The following EXD3 variants were observed in gnomAD, a reference collection of about 807,000 sequenced individuals.
The protein encoded by EXD3 is exonuclease mut-7 homolog.
In EXD3, 92 loss-of-function variants were observed where a neutral mutation model predicts 98.0. The observed-to-expected ratio is 0.94, with a 90% CI of 0.79 to 1.12. EXD3 has a LOEUF of 1.12. Among genes scored for constraint, EXD3 ranks in the 50% most tolerant of loss-of-function variants. The pLI, the probability that EXD3 is intolerant of heterozygous loss-of-function variation, is 0.00. For missense variants in EXD3, 1,222 were observed against 1,191.6 expected (o/e 1.03, Z -0.38); for synonymous variants, 569 against 526.0 (o/e 1.08, Z -1.12).
intron 17 of EXD3, among the ~76,000 whole-genome samples, chr9:137,341,049 C>T (rs77733172): frequency 0.014 from 2,156 of 152,332 alleles, 22 homozygotes; most frequent in Non-Finnish European, 0.022. Flanking sequence ...GGCAGGGTGG[C>T]TCACACCTGT....
intron 19 of EXD3, among the ~76,000 whole-genome samples, chr9:137,316,005 A>C (rs1831630985): frequency 7.1e-6 from 1 of 140,474 alleles, no homozygotes; most frequent in Non-Finnish European, 1.6e-5. Context: ...GAGCCTCCCA[A>C]GGGAAGTCCC....
intron 17 of EXD3, among the ~76,000 whole-genome samples, chr9:137,345,570 G>A (rs1373634554): frequency 6.6e-6 from 1 of 150,696 alleles, no homozygotes; most frequent in Non-Finnish European, 1.5e-5. Flanking sequence ...GCTTAGACAG[G>A]AGAATCGCTT....
At position 137,307,325 on chromosome 9, in the gene EXD3, C is replaced by A. The variant is rs935876438; in HGVS notation, c.2318-62G>T. ...CTTCGGGCACGGCCCCCAGGCTGCT[C>A]CCAGAGTGGTGCAGTTGGCGGCCCA... On this transcript the variant is annotated intron_variant, in intron 21 of 21. Transcript: ENST00000340951. 3.5e-6 allele frequency: 5 copies of A among 1,440,536 alleles called. No individual in the cohort carries two copies. The East Asian group carries it at 1.2e-4, about 36-fold the overall frequency. The allele number at this position is 1,440,536 out of a possible 1,614,324, so 89.2% of individuals were successfully genotyped here.
intron 17 of EXD3, among the ~76,000 whole-genome samples, chr9:137,329,945 C>G (rs1335454855): frequency 3.8e-4 from 1 of 2,620 alleles, no homozygotes; most frequent in Non-Finnish European, 7.5e-4. Context: ...CAGGACTATG[C>G]AGGACCACAC....
At position 137,349,546 on chromosome 9, in the gene EXD3, C is replaced by A. The variant is rs754133010; in HGVS notation, c.1495-15G>T. 3 of 1,561,714 alleles carry A rather than the reference C, an allele frequency of 1.9e-6. No individual in the cohort carries two copies. The South Asian group carries it at 3.5e-5, about 18-fold the overall frequency. On this transcript the variant is annotated splice_polypyrimidine_tract_variant and intron_variant, in intron 14 of 21. Coordinates refer to ENST00000340951, the MANE Select transcript of EXD3 (RefSeq NM_017820.5). The surrounding 1 kb of genome is among the most constrained non-coding windows in gnomAD (Gnocchi z 7.4). ...GCCACCCGCATCTGCTAAGACAGTGCCCTGCAGGGTAACGCGTCTGGCCCT... is the reference window on the plus strand; with the variant it reads ...GCCACCCGCATCTGCTAAGACAGTGACCTGCAGGGTAACGCGTCTGGCCCT...
chr9:137,315,383 C>T (rs1333817015), intron 19 of EXD3, among the ~76,000 whole-genome samples: 2 of 152,234 alleles, frequency 1.3e-5, no homozygotes, highest in Non-Finnish European at 2.9e-5. Flanking sequence ...GCACCCCCAC[C>T]GCCACCGCCG....
chr9:137,389,758 A>T (rs1187640409), intron 2 of EXD3, among the ~76,000 whole-genome samples: 1 of 152,200 alleles, frequency 6.6e-6, no homozygotes, highest in African/African-American at 2.4e-5. Flanking sequence ...CTGCAACCGC[A>T]GGTCAGAAAA....
At chr9:137,373,114 G>A in intron 4 of EXD3, 42 bp from the exon 5 acceptor site, 1 of 1,517,176 alleles carries the variant, frequency 6.6e-7, no homozygotes, top group Non-Finnish European at 8.8e-7. Context: ...GCAGCACCCA[G>A]TGGCTGGGCC....
chr9:137,354,952 G>A (rs1834543047), intron 8 of EXD3, among the ~76,000 whole-genome samples, 179 bp from the exon 9 acceptor site: 1 of 152,200 alleles, frequency 6.6e-6, no homozygotes. Context: ...ACCCCACTCA[G>A]CCTGGGGGTC....
At chr9:137,389,358 C>T (rs148113767) in intron 2 of EXD3, among the ~76,000 whole-genome samples, 2,357 of 152,232 alleles carry the variant, frequency 0.015, 35 homozygotes, top group Non-Finnish European at 0.023. Flanking sequence ...ATCAACACAG[C>T]GGCCCACAAC....
intron 2 of EXD3, among the ~76,000 whole-genome samples, chr9:137,383,885 T>C (rs1244546927): frequency 6.6e-6 from 1 of 151,986 alleles, no homozygotes; most frequent in African/African-American, 2.4e-5. Flanking sequence ...GCAGCAAAAG[T>C]GCCAACCAAA....
intron 3 of EXD3, among the ~76,000 whole-genome samples, chr9:137,375,869 G>A (rs1835873653): frequency 6.6e-6 from 1 of 152,192 alleles, no homozygotes; most frequent in Non-Finnish European, 1.5e-5. Context: ...ACACAAGGAA[G>A]CAAGCCACCA....
rs1588315389 is a variant in EXD3, at chr9:137,349,312, G to C, written c.1658-30C>G. The C allele has an allele frequency of 6.4e-7, 1 of 1,553,106 alleles. No homozygotes were observed. Among genetic ancestry groups the C allele is most frequent in the Non-Finnish European group, 8.7e-7 (1 of 1,154,878 alleles). The stretch of plus-strand genomic sequence containing the variant: ...GTGGGGAGTCGGCCTCAGCCTCCCG[G>C]GACAGAGGGCGGGAGGGGCGTGAGG... On this transcript the variant is annotated intron_variant, in intron 15 of 21. Coordinates refer to ENST00000340951, the MANE Select transcript of EXD3 (RefSeq NM_017820.5). This position sits in a 1 kb window ranked among gnomAD's most constrained non-coding sequence, Gnocchi z 7.4.
At chr9:137,369,651 T>C (rs1292390196) in intron 5 of EXD3, among the ~76,000 whole-genome samples, 1 of 152,070 alleles carries the variant, frequency 6.6e-6, no homozygotes, top group Non-Finnish European at 1.5e-5. Flanking sequence ...GTCCCAGCCC[T>C]CGGCGGGCCC....
chr9:137,334,353 C>A lies in EXD3; in HGVS notation c.1999-10210G>T, dbSNP rs60268068. Among the ~76,000 whole-genome samples, 1,116 of 152,212 alleles carry A rather than the reference C, an allele frequency of 7.3e-3. 14 individuals are homozygous for A. Among genetic ancestry groups the A allele is most frequent in the African/African-American group, 0.024 (996 of 41,510 alleles). ...GAAGGGACTAATACAGTATAGTTAC[C>A]AAAACAGCATAGTACTGGTATAAAA... On this transcript the variant is annotated intron_variant, in intron 17 of 21. Coordinates refer to ENST00000340951, the MANE Select transcript of EXD3 (RefSeq NM_017820.5).
rs113411374 is a variant in EXD3, at chr9:137,360,491, C to T, written c.657-4123G>A. Among the ~76,000 whole-genome samples the T allele has an allele frequency of 7.4e-3, 472 of 64,182 alleles. 120 individuals are homozygous for T. Among genetic ancestry groups the T allele is most frequent in the African/African-American group, 0.02 (455 of 22,576 alleles). The allele number at this position is 64,182 out of a possible 152,430, so 42.1% of individuals were successfully genotyped here. ...TTTTTTTTTTTTTGAGATGGAGTCTCGCTGTGTCACCCAGGCTGGTGTGCA... is the reference window on the plus strand; with the variant it reads ...TTTTTTTTTTTTTGAGATGGAGTCTTGCTGTGTCACCCAGGCTGGTGTGCA... On this transcript the variant is annotated intron_variant, in intron 7 of 21. Coordinates refer to ENST00000340951, the MANE Select transcript of EXD3 (RefSeq NM_017820.5).
chr9:137,371,000 G>A (rs1344280360), intron 5 of EXD3, among the ~76,000 whole-genome samples: 3 of 152,170 alleles, frequency 2.0e-5, no homozygotes, highest in Non-Finnish European at 2.9e-5. Context: ...TCTTTCGGCC[G>A]GGCGCGGCGG....
intron 8 of EXD3, among the ~76,000 whole-genome samples, chr9:137,355,678 T>TGGAGGAAGGAGGAAGGAGAAAGGGAGGAA (rs1834714073): frequency 9.2e-5 from 1 of 10,920 alleles, no homozygotes; most frequent in African/African-American, 3.7e-4. Flanking sequence ...AAAGGGAGGA[T>TGGAGGAAGGAGGAAGGAGAAAGGGAGGAA]GGAGGAAGGA....
At position 137,317,753 on chromosome 9, in the gene EXD3, CCT is replaced by C. The variant is rs899438145; in HGVS notation, c.2184+5970_2184+5971del. Among the ~76,000 whole-genome samples, 189 of 152,244 alleles carry C rather than the reference CCT, an allele frequency of 1.2e-3. 1 individual carries two copies. Among genetic ancestry groups the C allele is most frequent in the African/African-American group, 4.2e-3 (174 of 41,544 alleles). ...TAAGCCCCCTCAGGTGCCATCACTC[CCT>C]CTTTGTCCCCAGCCTGGGTGTCGTG... On this transcript the variant is annotated intron_variant, in intron 19 of 21. Transcript: ENST00000340951.
Sources: allele counts gnomAD v4.1 joint callset (sites outside exome capture counted in the v4.1 genomes callset), GRCh38; gene constraint gnomAD v4.1.1; non-coding constraint Gnocchi (gnomAD v3.1); transcripts MANE v1.5; gene names NCBI Gene and HGNC (gene_info 2026-07-23, HGNC 2026-07-21).